The following DPP6 variants were observed in gnomAD, a reference collection of about 807,000 sequenced individuals.
DPP6 encodes A-type potassium channel modulatory protein DPP6.
A neutral mutation model predicts 122.6 loss-of-function variants in DPP6; 69 were observed. The ratio of observed to expected loss-of-function variants is 0.56; its 90% CI spans 0.46 to 0.69. DPP6 has a LOEUF of 0.69. Ranked by LOEUF, DPP6 falls within the 30% of genes least tolerant of loss-of-function variation. The pLI is 0.00. For missense variants in DPP6, 928 were observed against 1,116.9 expected, an observed-to-expected ratio of 0.83 and a Z score of 2.41; for synonymous variants, 418 against 433.1, an observed-to-expected ratio of 0.97 and a Z score of 0.43.
chr7:154,784,642 TC>T (rs1797230421), intron 10 of DPP6, among the ~76,000 whole-genome samples: 1 of 152,132 alleles, frequency 6.6e-6, no homozygotes, highest in South Asian at 2.1e-4. Flanking sequence ...CCTTACCTGT[TC>T]CGAGTTTGTG....
At chr7:154,462,101 C>T (rs904019368) in intron 2 of DPP6, among the ~76,000 whole-genome samples, 1 of 152,126 alleles carries the variant, frequency 6.6e-6, no homozygotes, top group East Asian at 1.9e-4. Context: ...TTCCCTTCAA[C>T]ATTTATTGAA....
At chr7:154,417,641 T>A (rs1159725357) in intron 1 of DPP6, among the ~76,000 whole-genome samples, 1 of 151,866 alleles carries the variant, frequency 6.6e-6, no homozygotes, top group African/African-American at 2.4e-5. Flanking sequence ...ATCTTCACAC[T>A]CTCTCAAGTC....
chr7:153,995,198 A>G (rs1157608514), intron 1 of DPP6, among the ~76,000 whole-genome samples: 7 of 152,186 alleles, frequency 4.6e-5, no homozygotes, highest in Non-Finnish European at 1.5e-5. Flanking sequence ...TTGAGGTGCT[A>G]TTCACAGTAG....
chr7:154,053,312 C>T (rs1800544279), intron 1 of DPP6, among the ~76,000 whole-genome samples: 1 of 152,042 alleles, frequency 6.6e-6, no homozygotes. Flanking sequence ...GGTTTGGGTA[C>T]TGCGCCTGCT....
intron 1 of DPP6, among the ~76,000 whole-genome samples, chr7:154,246,148 A>G (rs1182899529): frequency 6.6e-6 from 1 of 152,178 alleles, no homozygotes; most frequent in Non-Finnish European, 1.5e-5. Flanking sequence ...CTCCTAACTC[A>G]TGGGTCAAAG....
chr7:154,151,965 A>G (rs975024223), intron 1 of DPP6, among the ~76,000 whole-genome samples: 4 of 150,774 alleles, frequency 2.7e-5, no homozygotes, highest in African/African-American at 9.8e-5. Flanking sequence ...GGCACATGAC[A>G]CATTGCACGG....
chr7:154,420,105 G>T (rs1459646187), intron 1 of DPP6, among the ~76,000 whole-genome samples: 2 of 152,206 alleles, frequency 1.3e-5, no homozygotes, highest in Non-Finnish European at 2.9e-5. Context: ...GGGAGGCTGA[G>T]GCAGGCGGAC....
intron 1 of DPP6, among the ~76,000 whole-genome samples, chr7:154,187,419 A>G (rs1184058784): frequency 6.6e-6 from 1 of 152,164 alleles, no homozygotes; most frequent in Non-Finnish European, 1.5e-5. Flanking sequence ...TGACTATTTG[A>G]TTTCACTAGA....
At chr7:154,495,778 CCTT>C (rs1824682228) in intron 3 of DPP6, among the ~76,000 whole-genome samples, 1 of 152,160 alleles carries the variant, frequency 6.6e-6, no homozygotes, top group South Asian at 2.1e-4. Context: ...AGGCAAATCT[CCTT>C]CTTTTAATAA....
intron 1 of DPP6, among the ~76,000 whole-genome samples, chr7:154,431,486 C>A (rs1818396185): frequency 3.7e-5 from 1 of 26,920 alleles, no homozygotes; most frequent in African/African-American, 9.3e-5. Context: ...CTTTTCTTTT[C>A]TTTTCTTTTC....
chr7:154,575,752 G>GTGTA (rs1431064908), intron 5 of DPP6, among the ~76,000 whole-genome samples: 1 of 148,450 alleles, frequency 6.7e-6, no homozygotes, highest in Admixed American at 6.7e-5. Context: ...TGTGTGTGGT[G>GTGTA]TGTATGTATG....
At chr7:154,650,643 A>T (rs1836817509) in intron 6 of DPP6, among the ~76,000 whole-genome samples, 1 of 152,138 alleles carries the variant, frequency 6.6e-6, no homozygotes, top group African/African-American at 2.4e-5. Context: ...GCTTCCCAGG[A>T]CCCTCAGCTC....
At position 154,637,827 on chromosome 7, in the gene DPP6, C is replaced by T; in HGVS notation, c.634C>T (p.Gln212Ter). The change falls in exon 6 of 26, where the codon CAA becomes TAA. Residue 212 changes from glutamine to a stop codon, truncating the protein, a stop_gained. Coordinates refer to ENST00000377770, the MANE Select transcript of DPP6 (RefSeq NM_130797.4). LOFTEE classifies it high-confidence loss of function. ...TCCTTTTTGTCTGTTGCAGATATAT[C>T]AACACTCGTATACTGGATATTACGT... ...LFSYNVEPIY[Q>*]HSYTGYYVLS... 1 of 1,579,832 alleles carries T rather than the reference C, an allele frequency of 6.3e-7. No homozygotes were observed. The highest frequency in any genetic ancestry group is 8.6e-7 in the Non-Finnish European group (1 of 1,161,458).
At chr7:154,656,319 A>T (rs1837243510) in intron 6 of DPP6, among the ~76,000 whole-genome samples, 1 of 5,584 alleles carries the variant, frequency 1.8e-4, no homozygotes. Context: ...GGGGCAGTCG[A>T]GAGGGAGGTC....
chr7:154,122,370 T>A lies in DPP6; in HGVS notation c.243+69307T>A, dbSNP rs556418421. Among the ~76,000 whole-genome samples the A allele has an allele frequency of 3.9e-5, 6 of 152,300 alleles. No homozygotes were observed. The East Asian group carries it at 1.2e-3, about 29-fold the overall frequency. On this transcript the variant is annotated intron_variant, in intron 1 of 25. Transcript: ENST00000377770. ...AAATCACACTGGAAAGAGAACCACA[T>A]ATAGTCAAGGAAAGAAGAAGTGGCC...
intron 1 of DPP6, among the ~76,000 whole-genome samples, chr7:154,292,472 A>G (rs974734914): frequency 6.6e-6 from 1 of 152,228 alleles, no homozygotes; most frequent in African/African-American, 2.4e-5. Context: ...ATAATTCACT[A>G]TGAAACCAAT....
At chr7:153,790,162 T>C in the DPP6 span, among the ~76,000 whole-genome samples, 7 of 152,250 alleles carry the variant, frequency 4.6e-5, no homozygotes, top group Non-Finnish European at 8.8e-5. Flanking sequence ...ATGTTTGCTC[T>C]TAAAAGTCCG....
intron 8 of DPP6, among the ~76,000 whole-genome samples, chr7:154,743,105 G>C (rs1290038817): frequency 6.6e-6 from 1 of 152,212 alleles, no homozygotes; most frequent in Non-Finnish European, 1.5e-5. Context: ...GGCTGAAGCT[G>C]AAGTCTTCCA....
intron 1 of DPP6, among the ~76,000 whole-genome samples, chr7:154,140,921 C>T (rs563672302): frequency 2.8e-3 from 421 of 152,270 alleles, no homozygotes; most frequent in African/African-American, 9.2e-3. Context: ...GGATTGACCC[C>T]GCTAAGTAAT....
Sources: gnomAD v4.1 joint callset for allele counts (sites outside exome capture counted in the v4.1 genomes callset) on GRCh38, gnomAD v4.1.1 for gene constraint, MANE v1.5 for transcripts, NCBI Gene and HGNC (gene_info 2026-07-23, HGNC 2026-07-21) for gene names.